Variants in NPIPB11 observed in about 807,000 individuals in gnomAD.
The protein encoded by NPIPB11 is nuclear pore complex interacting protein family member B11.
Under a neutral mutation model 32.8 loss-of-function variants are expected in NPIPB11, and 17 were observed. The ratio of observed to expected loss-of-function variants is 0.52; its 90% CI spans 0.35 to 0.78. The LOEUF (loss-of-function observed/expected upper bound fraction) is 0.78. NPIPB11 is among the 30% of genes least tolerant of loss of function. The pLI is 0.01. For missense variants in NPIPB11, 537 were observed against 1,000.4 expected, an observed-to-expected ratio of 0.54 and a Z score of 6.25; for synonymous variants, 209 against 398.4, an observed-to-expected ratio of 0.52 and a Z score of 5.66.
chr16:29,387,643 CCTGAAAATAGGTGACAA>C, intron 5 of NPIPB11, among the ~76,000 whole-genome samples: 1 of 65,656 alleles, frequency 1.5e-5, no homozygotes, highest in African/African-American at 5.5e-5. Flanking sequence ...GGTGTTATGT[CCTGAAAATAGGTGACAA>C]CGGCAAACCA....
chr16:29,396,989 A>C (rs1171496091), intron 2 of NPIPB11, among the ~76,000 whole-genome samples: 1 of 151,634 alleles, frequency 6.6e-6, no homozygotes, highest in African/African-American at 2.4e-5. Context: ...CTCTACTAAA[A>C]ACACAAAAAT....
chr16:29,395,702 G>A (rs903252675), intron 2 of NPIPB11, among the ~76,000 whole-genome samples: 2 of 150,872 alleles, frequency 1.3e-5, no homozygotes, highest in East Asian at 1.9e-4. Flanking sequence ...AAGGTGGGCC[G>A]GGCGTGGTGG....
intron 2 of NPIPB11, chr16:29,397,606 C>T: frequency 2.0e-6 from 3 of 1,489,654 alleles, no homozygotes; most frequent in Non-Finnish European, 2.7e-6. Context: ...AGCAGGAGCC[C>T]AAAGAGGAGC....
At chr16:29,401,834 GGGGCACA>G (rs1332608394) in intron 2 of NPIPB11, among the ~76,000 whole-genome samples, 1 of 151,942 alleles carries the variant, frequency 6.6e-6, no homozygotes, top group Non-Finnish European at 1.5e-5. Context: ...GAGGGCATGT[GGGGCACA>G]GGGCACAGGA....
intron 2 of NPIPB11, among the ~76,000 whole-genome samples, chr16:29,396,831 T>C (rs1165790495): frequency 1.3e-5 from 2 of 149,798 alleles, no homozygotes; most frequent in African/African-American, 2.5e-5. Flanking sequence ...GTATGTACTT[T>C]CCAAAGTTAG....
intron 2 of NPIPB11, among the ~76,000 whole-genome samples, chr16:29,400,351 C>T (rs1963960948): frequency 6.6e-6 from 1 of 151,830 alleles, no homozygotes; most frequent in South Asian, 2.1e-4. Context: ...GCAGGGGGTC[C>T]CTCATGGAGG....
intron 2 of NPIPB11, chr16:29,397,467 C>T (rs1380799635): frequency 3.2e-5 from 40 of 1,230,812 alleles, no homozygotes; most frequent in Non-Finnish European, 4.4e-5. Flanking sequence ...CACCTCGGCC[C>T]CCTAAAGTGC....
chr16:29,394,595 C>T (rs1465259707), intron 2 of NPIPB11, among the ~76,000 whole-genome samples: 7 of 151,350 alleles, frequency 4.6e-5, no homozygotes, highest in Admixed American at 6.6e-5. Context: ...CCACCATGCC[C>T]GACTCATTTT....
intron 2 of NPIPB11, chr16:29,397,488 G>A (rs1214256207): frequency 1.4e-5 from 20 of 1,409,612 alleles, no homozygotes; most frequent in Non-Finnish European, 1.9e-5. Context: ...TGGGATTACA[G>A]GCCTGAGCTG....
intron 2 of NPIPB11, among the ~76,000 whole-genome samples, chr16:29,395,528 TTA>T (rs1198618951): frequency 8.7e-6 from 1 of 115,236 alleles, no homozygotes; most frequent in East Asian, 2.4e-4. Flanking sequence ...GATGCATTTA[TTA>T]TATATCACAT....
chr16:29,391,197 G>A (rs555210927), intron 3 of NPIPB11, among the ~76,000 whole-genome samples: 60 of 133,872 alleles, frequency 4.5e-4, no homozygotes, highest in Non-Finnish European at 7.1e-4. Flanking sequence ...AACCCAGGAG[G>A]CAGAGGTTGC....
intron 3 of NPIPB11, among the ~76,000 whole-genome samples, chr16:29,391,980 C>A (rs955336715): frequency 6.6e-6 from 1 of 152,044 alleles, no homozygotes; most frequent in African/African-American, 2.4e-5. Context: ...CTCAGCCTCC[C>A]AAAGTGCTGG....
chr16:29,389,058 G>T (rs900595418), intron 5 of NPIPB11, among the ~76,000 whole-genome samples: 1 of 151,646 alleles, frequency 6.6e-6, no homozygotes, highest in Non-Finnish European at 1.5e-5. Context: ...ATCCGGGCAT[G>T]GTGGCATATG....
chr16:29,395,445 C>A (rs1434336796), intron 2 of NPIPB11, among the ~76,000 whole-genome samples: 1 of 60,700 alleles, frequency 1.6e-5, no homozygotes, highest in Non-Finnish European at 2.9e-5. Context: ...CAGGTGTGAG[C>A]CACTGCACCT....
At chr16:29,402,748 G>GTGTGTGTGTA (rs1567276696) in intron 2 of NPIPB11, among the ~76,000 whole-genome samples, 2 of 150,362 alleles carry the variant, frequency 1.3e-5, no homozygotes, top group African/African-American at 5.0e-5. Flanking sequence ...GTGTGTGTGT[G>GTGTGTGTGTA]TGTGTGTGTG....
intron 5 of NPIPB11, 122 bp downstream of exon 5, chr16:29,389,819 C>T: frequency 6.5e-7 from 1 of 1,530,722 alleles, no homozygotes; most frequent in Non-Finnish European, 8.8e-7. Flanking sequence ...AGGACAAACT[C>T]AATTTTGAAC....
At chr16:29,396,914 C>G (rs941514169) in intron 2 of NPIPB11, among the ~76,000 whole-genome samples, 10 of 151,952 alleles carry the variant, frequency 6.6e-5, no homozygotes, top group African/African-American at 2.4e-4. Context: ...CACTGGGAGG[C>G]TGAGGCAGGC....
At chr16:29,397,696 T>G (rs568315610) in intron 2 of NPIPB11, 1 of 767,792 alleles carries the variant, frequency 1.3e-6, no homozygotes, top group East Asian at 4.7e-5. Flanking sequence ...TGGAGGTGGC[T>G]TAGGGCAGGG....
intron 2 of NPIPB11, among the ~76,000 whole-genome samples, chr16:29,400,857 A>G (rs368631904): frequency 8.5e-5 from 13 of 152,198 alleles, no homozygotes; most frequent in Middle Eastern, 3.4e-3. Flanking sequence ...GTGTAGGATC[A>G]TCTGGTGAGC....
Sources: gnomAD v4.1 joint callset for allele counts (sites outside exome capture counted in the v4.1 genomes callset) on GRCh38, gnomAD v4.1.1 for gene constraint, MANE v1.5 for transcripts, NCBI Gene and HGNC (gene_info 2026-07-23, HGNC 2026-07-21) for gene names.